The following DST variants were observed in gnomAD, a reference collection of about 807,000 sequenced individuals.
DST encodes bullous pemphigoid antigen.
A neutral mutation model predicts 875.2 loss-of-function variants in DST; 253 were observed. The ratio of observed to expected loss-of-function variants is 0.29; its 90% confidence interval spans 0.26 to 0.32. The LOEUF is 0.32. Among genes scored for constraint, DST ranks in the 10% least tolerant of loss-of-function variants. The probability of loss-of-function intolerance (pLI) is 1.00; values close to 1 mark genes in which losing one functional copy is unlikely to be tolerated. For missense variants in DST, 8,287 were observed against 9,111.6 expected, an observed-to-expected ratio of 0.91 and a Z score of 3.68; for synonymous variants, 3,124 against 3,197.1, an observed-to-expected ratio of 0.98 and a Z score of 0.77.
intron 91 of DST, among the ~76,000 whole-genome samples, 160 bp from the exon 92 acceptor site, chr6:56,476,497 G>A: frequency 6.6e-6 from 1 of 152,186 alleles, no homozygotes; most frequent in Admixed American, 6.5e-5. Context: ...TCAAGATCTG[G>A]CTTGAGGAGG....
chr6:56,644,500 G>A (rs968255843), intron 15 of DST, among the ~76,000 whole-genome samples: 8 of 152,104 alleles, frequency 5.3e-5, no homozygotes, highest in African/African-American at 1.4e-4. Context: ...CACTGGCAAC[G>A]CAAGGGACAG....
intron 4 of DST, among the ~76,000 whole-genome samples, chr6:56,815,050 G>A (rs1483369465): frequency 2.0e-5 from 3 of 152,148 alleles, no homozygotes; most frequent in Non-Finnish European, 4.4e-5. Flanking sequence ...TCCCGGTGTG[G>A]CCGTGGGCAA....
In DST at chr6:56,714,144, A is replaced by G. The variant is rs2099387201; in HGVS notation, c.688-9775T>C. ...AATCCAGATGACACTCCATGTCCCC[A>G]GTACCACGATTCATATTTTTCTAAA... On this transcript the variant is annotated intron_variant, in intron 5 of 103. Transcript: ENST00000680361. The surrounding 1 kb of genome is among the most constrained non-coding windows in gnomAD (Gnocchi z 4.5). 6.6e-6 allele frequency among the ~76,000 whole-genome samples: 1 copy of G among 152,230 alleles called. No homozygotes were observed. The highest frequency in any genetic ancestry group is 2.1e-4 in the South Asian group (1 of 4,832).
At position 56,616,120 on chromosome 6, in the gene DST, T is replaced by G. The variant is rs770185060; in HGVS notation, c.4930-1636A>C. 38 of 1,614,072 alleles carry G rather than the reference T, an allele frequency of 2.4e-5. No individual in the cohort carries two copies. The highest frequency in any genetic ancestry group is 3.1e-5 in the Non-Finnish European group (37 of 1,180,038). The stretch of plus-strand genomic sequence containing the variant: ...CCCCACTAGCAGTCAGCCAATACCC[T>G]GCAACAGGACTGTGCAAATCTTTCT... On this transcript the variant is annotated intron_variant, in intron 36 of 103. Coordinates refer to ENST00000680361, the MANE Select transcript of DST (RefSeq NM_001374736.1).
chr6:56,669,102 A>T (rs999635013), intron 10 of DST, among the ~76,000 whole-genome samples: 4 of 152,052 alleles, frequency 2.6e-5, no homozygotes, highest in African/African-American at 7.2e-5. Context: ...GAACACGAGT[A>T]TAGCATTTAA....
intron 4 of DST, among the ~76,000 whole-genome samples, chr6:56,790,237 T>C (rs1424957885): frequency 6.6e-6 from 1 of 152,130 alleles, no homozygotes; most frequent in East Asian, 1.9e-4. Flanking sequence ...GATTTCTCAT[T>C]TATATAGTTA....
intron 9 of DST, among the ~76,000 whole-genome samples, chr6:56,684,952 C>T (rs1055962221): frequency 1.3e-5 from 2 of 152,292 alleles, no homozygotes; most frequent in Non-Finnish European, 2.9e-5. Flanking sequence ...ATTTTCCTCA[C>T]GAGACCAGTT....
chr6:56,895,068 C>T (rs1427633365), intron 3 of DST, among the ~76,000 whole-genome samples: 1 of 106,334 alleles, frequency 9.4e-6, no homozygotes, highest in East Asian at 2.6e-4. Context: ...GGCGACTGGC[C>T]GGGCAGAGGG....
rs1351955418 is a variant in DST at position 56,517,236 on chromosome 6, T to C, written c.18319A>G (p.Met6107Val). 1.2e-6 allele frequency: 2 copies of C among 1,613,444 alleles called. No individual in the cohort carries two copies. Among genetic ancestry groups the C allele is most frequent in the Non-Finnish European group, 1.7e-6 (2 of 1,179,630 alleles). ...TTTTCCTCTTCACTGCATGCGGTCATGATTTTATGCCCAGATTTAACAAGG... is the reference window on the plus strand; with the variant it reads ...TTTTCCTCTTCACTGCATGCGGTCACGATTTTATGCCCAGATTTAACAAGG... ...DDLVKSGHKIMTACSEEEKQS... is the reference protein window; with the variant it reads ...DDLVKSGHKIVTACSEEEKQS... Residue 6107 changes from methionine to valine, a missense_variant, in exon 71 of 104, where the codon ATG (methionine) becomes GTG (valine). Met to Val is a conservative substitution (Grantham distance 21). Transcript: ENST00000680361.
At chr6:56,472,445 G>A (rs940301959) in intron 93 of DST, among the ~76,000 whole-genome samples, 3 of 152,162 alleles carry the variant, frequency 2.0e-5, no homozygotes, top group African/African-American at 7.2e-5. Flanking sequence ...TCTCTGGACA[G>A]GGGCATTTAA....
intron 69 of DST, 139 bp from the exon 70 acceptor site, chr6:56,517,759 C>T (rs1485968319): frequency 9.9e-6 from 10 of 1,012,462 alleles, no homozygotes; most frequent in Non-Finnish European, 1.2e-5. Flanking sequence ...TAAAATAATT[C>T]GTGATAATGA....
chr6:56,579,230 T>G (rs192323765), intron 49 of DST, among the ~76,000 whole-genome samples: 1 of 152,152 alleles, frequency 6.6e-6, no homozygotes, highest in Non-Finnish European at 1.5e-5. Flanking sequence ...TCTAACTTTA[T>G]ACCCTTAACC....
chr6:56,618,081 T>A, intron 36 of DST: 1 of 1,614,190 alleles, frequency 6.2e-7, no homozygotes. Flanking sequence ...TGGTCTCTTA[T>A]CTTCTCAATT....
At chr6:56,708,322 T>A (rs1158761446) in intron 5 of DST, among the ~76,000 whole-genome samples, 1 of 152,062 alleles carries the variant, frequency 6.6e-6, no homozygotes. Context: ...CAATGACCTG[T>A]CAACTTAGAA....
chr6:56,641,880 C>A, intron 17 of DST, 67 bp downstream of exon 17: 1 of 1,272,252 alleles, frequency 7.9e-7, no homozygotes, highest in Non-Finnish European at 1.1e-6. Flanking sequence ...CTCTACATTC[C>A]TATTTCAAAT....
chr6:56,527,757 T>C (rs1397951220), intron 67 of DST, 23 bp from the exon 68 acceptor site: 2 of 1,577,406 alleles, frequency 1.3e-6, no homozygotes, highest in African/African-American at 1.4e-5. Context: ...AGTCACGTTA[T>C]TTCTTATGAA....
At chr6:56,630,856 C>A (rs1233845279) in intron 30 of DST, among the ~76,000 whole-genome samples, 1 of 151,030 alleles carries the variant, frequency 6.6e-6, no homozygotes, top group Non-Finnish European at 1.5e-5. Flanking sequence ...GATATCGGCT[C>A]ACTGCAACCT....
In DST at chr6:56,604,933, G is replaced by A. The variant is rs2098480966; in HGVS notation, c.9695C>T (p.Thr3232Ile). ...GTCATTAAGAGGTGAGTCTTTTTGG[G>A]TACTAGTGGACTTCTCTTTTGTATT... ...VNNTKEKSTS[T>I]QKDSPLNDMI... The change falls in exon 40 of 104, where the codon ACC becomes ATC. Residue 3232 changes from threonine to isoleucine, a missense_variant. Transcript: ENST00000680361. 1 of 1,612,598 alleles carries A rather than the reference G, an allele frequency of 6.2e-7. No individual in the cohort carries two copies. The highest frequency in any genetic ancestry group is 8.5e-7 in the Non-Finnish European group (1 of 1,179,220).
In DST at chr6:56,609,034, G is replaced by T. The variant is rs1243027245; in HGVS notation, c.5594C>A (p.Thr1865Lys). 1 of 1,613,856 alleles carries T rather than the reference G, an allele frequency of 6.2e-7. No individual in the cohort carries two copies. The highest frequency in any genetic ancestry group is 1.1e-5 in the South Asian group (1 of 91,078). The stretch of plus-strand genomic sequence containing the variant: ...AAGAACTTTGATGGCCATGGATTCT[G>T]TTATCATGCTTTGAGCTAGAGCATC... ...VLDALAQSMI[T>K]ESMAIKVLEI... is the part of the protein sequence containing the mutation. Residue 1865 changes from threonine to lysine, a missense_variant, in exon 40 of 104, where the codon ACA becomes AAA. Around this residue, in one of 10 missense-constraint regions of DST, gnomAD observed 3,138 missense variants for 3,116.6 expected, o/e 1.01. Coordinates refer to ENST00000680361, the MANE Select transcript of DST (RefSeq NM_001374736.1).
Sources: allele counts gnomAD v4.1 joint callset (sites outside exome capture counted in the v4.1 genomes callset), GRCh38; gene constraint gnomAD v4.1.1; regional missense constraint gnomAD v4.1.1; non-coding constraint Gnocchi (gnomAD v3.1); transcripts MANE v1.5; gene names NCBI Gene and HGNC (gene_info 2026-07-23, HGNC 2026-07-21).